Variants in DOCK11 observed in about 807,000 individuals in gnomAD.
DOCK11 encodes dedicator of cytokinesis protein 11.
DOCK11 carries 70 observed loss-of-function variants against 169.1 expected under a neutral mutation model. The ratio of observed to expected loss-of-function variants is 0.41; its 90% CI spans 0.34 to 0.51. The LOEUF (loss-of-function observed/expected upper bound fraction) is 0.51, where lower values mean the gene tolerates loss of function less well. Ranked by LOEUF, DOCK11 falls within the 20% of genes least tolerant of loss-of-function variation. The pLI is 0.10. For synonymous variants in DOCK11, 529 were observed against 541.3 expected, an observed-to-expected ratio of 0.98 and a Z score of 0.32; for missense variants, 1,166 against 1,538.8, an observed-to-expected ratio of 0.76 and a Z score of 4.05.
chrX:118,681,933 C>T (rs1221097603), intron 51 of DOCK11, 139 bp downstream of exon 51: 1 of 401,106 alleles, frequency 2.5e-6, no homozygotes, highest in African/African-American at 2.6e-5. Context: ...ATCTAAGTGA[C>T]CTCCTAATGG....
At chrX:118,573,738 C>A in intron 11 of DOCK11, 68 bp from the exon 12 acceptor site, 1 of 924,274 alleles carries the variant, frequency 1.1e-6, no homozygotes, top group Non-Finnish European at 1.5e-6. Flanking sequence ...TTATTTTGCA[C>A]TTGTGCCCCT....
At chrX:118,604,521 CTTTTTTTTTTTTTTTTTT>C (rs74504860) in intron 23 of DOCK11, among the ~76,000 whole-genome samples, 1 of 38,183 alleles carries the variant, frequency 2.6e-5, no homozygotes, top group African/African-American at 1.1e-4. Flanking sequence ...GGTTTGTTTC[CTTTTTTTTTTTTTTTTTT>C]TTTTTTTTTT....
At position 118,685,389 on chromosome X, in the gene DOCK11, C is replaced by T. The variant is rs925578130; in HGVS notation, c.6103-299C>T. On this transcript the variant is annotated intron_variant, in intron 52 of 52. Coordinates refer to ENST00000276202, the MANE Select transcript of DOCK11 (RefSeq NM_144658.4). ...CATTTAGAGCTCTTGTTATGACCAT[C>T]TGTTAAAAAATATTTTAAAGATTGT... 5.4e-5 allele frequency: 11 copies of T among 205,583 alleles called. No individual in the cohort carries two copies. The East Asian group carries it at 1.3e-3, about 24-fold the overall frequency. 16.9% of individuals were successfully genotyped at this position (205,583 alleles called of 1,213,427 possible). A position where few individuals can be genotyped will look rare whatever the true frequency, so the allele number is the denominator to read the frequency against.
intron 24 of DOCK11, among the ~76,000 whole-genome samples, chrX:118,606,081 ATTTTTT>A (rs952643747): frequency 2.8e-5 from 2 of 71,096 alleles, no homozygotes; most frequent in Admixed American, 1.9e-4. Context: ...GAGGAACAGA[ATTTTTT>A]TTTTTTTTTT....
chrX:118,496,506 G>C (rs1241631697), intron 1 of DOCK11, among the ~76,000 whole-genome samples: 1 of 112,852 alleles, frequency 8.9e-6, no homozygotes, highest in Admixed American at 9.2e-5. Flanking sequence ...TGCGATGAGC[G>C]TTTGGCACAC....
intron 23 of DOCK11, among the ~76,000 whole-genome samples, chrX:118,600,409 TAAAAAAA>T (rs749187430): frequency 4.1e-5 from 3 of 73,975 alleles, no homozygotes; most frequent in East Asian, 4.7e-4. Context: ...TCTTTTTTTT[TAAAAAAA>T]AAAAAAAAGA....
intron 35 of DOCK11, among the ~76,000 whole-genome samples, chrX:118,631,371 G>T (rs2015238550): frequency 9.0e-6 from 1 of 111,426 alleles, no homozygotes; most frequent in Non-Finnish European, 1.9e-5. Context: ...TAAATAGCTA[G>T]ATATGAGTAA....
intron 41 of DOCK11, 113 bp downstream of exon 41, chrX:118,649,240 G>A: frequency 1.9e-6 from 1 of 540,496 alleles, no homozygotes; most frequent in Non-Finnish European, 2.8e-6. Context: ...TCTAGCACTT[G>A]ATGTGTGGCT....
At chrX:118,589,250 A>G (rs2013911826) in intron 18 of DOCK11, among the ~76,000 whole-genome samples, 1 of 111,142 alleles carries the variant, frequency 9.0e-6, no homozygotes, top group Non-Finnish European at 1.9e-5. Flanking sequence ...AGAAACTTAA[A>G]TTAAGGATTT....
intron 4 of DOCK11, among the ~76,000 whole-genome samples, chrX:118,544,723 C>T (rs188280949): frequency 0.013 from 1,172 of 88,036 alleles, 26 homozygotes; most frequent in African/African-American, 0.048. Context: ...TGCAGTGGCG[C>T]GATCTCGGCT....
rs1284477748 is a variant in DOCK11 at position 118,545,341 on chromosome X, A to T, written c.411A>T (p.Glu137Asp). ...TTTGCAGTAAATCTTTGAGACCAGA[A>T]AAGATTCCTAATCATGTATTTGAGA... ...RMLPCKSLRP[E>D]KIPNHVFEID... The change falls in exon 5 of 53, where the codon GAA (glutamate) becomes GAT (aspartate). Residue 137 changes from glutamate (E) to aspartate (D), a missense_variant. Coordinates refer to ENST00000276202, the MANE Select transcript of DOCK11 (RefSeq NM_144658.4). 2 of 1,201,383 alleles carry T rather than the reference A, an allele frequency of 1.7e-6. No homozygotes were observed. Among genetic ancestry groups the T allele is most frequent in the Non-Finnish European group, 2.2e-6 (2 of 890,409 alleles).
chrX:118,516,076 T>C (rs1407121290), intron 1 of DOCK11, among the ~76,000 whole-genome samples: 1 of 83,279 alleles, frequency 1.2e-5, no homozygotes, highest in East Asian at 3.6e-4. Flanking sequence ...CTTTCTTTTT[T>C]CTTTTCTTTT....
At chrX:118,574,790 CG>C (rs1406022552) in intron 12 of DOCK11, among the ~76,000 whole-genome samples, 1 of 111,736 alleles carries the variant, frequency 8.9e-6, no homozygotes, top group Admixed American at 9.5e-5. Flanking sequence ...AAGCAATGGG[CG>C]GGAACTGCTT....
intron 11 of DOCK11, among the ~76,000 whole-genome samples, chrX:118,573,536 G>A (rs1332733312): frequency 8.9e-6 from 1 of 112,310 alleles, no homozygotes; most frequent in Non-Finnish European, 1.9e-5. Context: ...TTTAAATGTA[G>A]CTTTTGATTT....
At chrX:118,503,123 G>C (rs1174570215) in intron 1 of DOCK11, among the ~76,000 whole-genome samples, 1 of 98,382 alleles carries the variant, frequency 1.0e-5, no homozygotes, top group Non-Finnish European at 2.0e-5. Flanking sequence ...GCCCAGGCAC[G>C]ATCTTGGCTC....
At chrX:118,612,826 G>A (rs755735463) in intron 28 of DOCK11, among the ~76,000 whole-genome samples, 1 of 112,155 alleles carries the variant, frequency 8.9e-6, no homozygotes, top group African/African-American at 3.2e-5. Flanking sequence ...GAGCTGGAAA[G>A]GCCATCTGGT....
chrX:118,500,198 G>A (rs1040847394), intron 1 of DOCK11, among the ~76,000 whole-genome samples: 2 of 109,579 alleles, frequency 1.8e-5, no homozygotes, highest in African/African-American at 3.3e-5. Context: ...ACAGGCGCCC[G>A]CCGCCACGCC....
At chrX:118,612,160 C>T (rs1030703023) in intron 28 of DOCK11, among the ~76,000 whole-genome samples, 2 of 112,003 alleles carry the variant, frequency 1.8e-5, no homozygotes, top group African/African-American at 3.2e-5. Context: ...ATATTAAGAA[C>T]CTTGTGGGCA....
chrX:118,497,641 T>C (rs771337231), intron 1 of DOCK11, among the ~76,000 whole-genome samples: 1 of 112,042 alleles, frequency 8.9e-6, no homozygotes, highest in Non-Finnish European at 1.9e-5. Flanking sequence ...GAAGGCAAGC[T>C]GTGTGCAGAG....
Sources: allele counts gnomAD v4.1 joint callset (sites outside exome capture counted in the v4.1 genomes callset), GRCh38; gene constraint gnomAD v4.1.1; transcripts MANE v1.5; gene names NCBI Gene and HGNC (gene_info 2026-07-23, HGNC 2026-07-21).